Variants in TYR observed in about 807,000 individuals in gnomAD.
The protein encoded by TYR is LB24-AB.
TYR carries 58 observed loss-of-function variants against 51.5 expected under a neutral mutation model. That is an observed-to-expected ratio of 1.13 (90% CI 0.91 to 1.40). The LOEUF (loss-of-function observed/expected upper bound fraction) is 1.40. Ranked by LOEUF, TYR falls within the 40% of genes most tolerant of loss-of-function variation. The pLI, the probability that TYR is intolerant of heterozygous loss-of-function variation, is 0.00. For missense variants in TYR, 732 were observed against 647.4 expected (o/e 1.13, Z -1.42); for synonymous variants, 263 against 235.2 (o/e 1.12, Z -1.08).
At chr11:89,265,539 T>G (rs553565458) in intron 3 of TYR, among the ~76,000 whole-genome samples, 1 of 152,202 alleles carries the variant, frequency 6.6e-6, no homozygotes, top group East Asian at 1.9e-4. Flanking sequence ...TAATAGAAAT[T>G]TCAAAATGTT....
intron 3 of TYR, among the ~76,000 whole-genome samples, chr11:89,240,760 G>A (rs897180722): frequency 4.6e-5 from 7 of 152,136 alleles, no homozygotes; most frequent in African/African-American, 1.7e-4. Context: ...TAATACATTA[G>A]TACAGTTGCA....
intron 1 of TYR, among the ~76,000 whole-genome samples, chr11:89,190,293 T>G (rs527609479): frequency 6.6e-6 from 1 of 152,234 alleles, no homozygotes; most frequent in East Asian, 1.9e-4. Context: ...TAGCTCCATG[T>G]GTACTATTGC....
At chr11:89,204,003 G>T (rs1943635826) in intron 2 of TYR, among the ~76,000 whole-genome samples, 1 of 152,182 alleles carries the variant, frequency 6.6e-6, no homozygotes, top group African/African-American at 2.4e-5. Flanking sequence ...TGTAAGAGAA[G>T]GCTCAGTTTG....
chr11:89,256,983 A>G (rs1944400109), intron 3 of TYR, among the ~76,000 whole-genome samples: 1 of 151,922 alleles, frequency 6.6e-6, no homozygotes, highest in South Asian at 2.1e-4. Flanking sequence ...GGCCTAAAGC[A>G]TGTTGAAACT....
At chr11:89,264,995 C>A (rs1944509630) in intron 3 of TYR, among the ~76,000 whole-genome samples, 1 of 152,004 alleles carries the variant, frequency 6.6e-6, no homozygotes, top group South Asian at 2.1e-4. Context: ...TTCTTTTAAG[C>A]TTTATTGACA....
At chr11:89,203,153 A>G (rs919434737) in intron 2 of TYR, among the ~76,000 whole-genome samples, 1 of 152,218 alleles carries the variant, frequency 6.6e-6, no homozygotes, top group Non-Finnish European at 1.5e-5. Flanking sequence ...TACATTTTCA[A>G]ATAAATCACT....
chr11:89,178,303 T>C lies in TYR; in HGVS notation c.350T>C (p.Leu117Pro). 2 of 1,614,170 alleles carry C rather than the reference T, an allele frequency of 1.2e-6. No individual in the cohort carries two copies. The highest frequency in any genetic ancestry group is 8.5e-7 in the Non-Finnish European group (1 of 1,180,030). Residue 117 changes from leucine (L) to proline (P), a missense_variant, in exon 1 of 5, where the codon CTC becomes CCC. Physicochemically the swap from Leu to Pro is moderately conservative, Grantham distance 98 (BLOSUM62 -3). Coordinates refer to ENST00000263321, the MANE Select transcript of TYR (RefSeq NM_000372.5). ...FWGPNCTERR[L>P]LVRRNIFDLS... ...GGACCAAACTGCACAGAGAGACGACTCTTGGTGAGAAGAAACATCTTCGAT... is the reference window on the plus strand; with the variant it reads ...GGACCAAACTGCACAGAGAGACGACCCTTGGTGAGAAGAAACATCTTCGAT...
At chr11:89,244,028 T>G (rs1944234654) in intron 3 of TYR, among the ~76,000 whole-genome samples, 1 of 152,120 alleles carries the variant, frequency 6.6e-6, no homozygotes, top group African/African-American at 2.4e-5. Flanking sequence ...TGCATAAATT[T>G]TATTTCCTTT....
chr11:89,190,762 T>C (rs1459519153), intron 1 of TYR, among the ~76,000 whole-genome samples: 1 of 152,148 alleles, frequency 6.6e-6, no homozygotes, highest in East Asian at 1.9e-4. Flanking sequence ...GGTCCATTTA[T>C]GGTAAGTGTC....
intron 3 of TYR, among the ~76,000 whole-genome samples, chr11:89,256,162 A>C (rs189264959): frequency 1.7e-4 from 26 of 151,954 alleles, no homozygotes; most frequent in Admixed American, 1.3e-3. Context: ...GAAGAATATA[A>C]TTTTAAACTT....
chr11:89,250,208 T>C (rs1217632207), intron 3 of TYR, among the ~76,000 whole-genome samples: 1 of 152,056 alleles, frequency 6.6e-6, no homozygotes, highest in Non-Finnish European at 1.5e-5. Context: ...AACTATAGTG[T>C]CATGAGTTTC....
At chr11:89,228,833 G>T (rs1944007524) in intron 3 of TYR, among the ~76,000 whole-genome samples, 1 of 152,074 alleles carries the variant, frequency 6.6e-6, no homozygotes, top group Admixed American at 6.6e-5. Flanking sequence ...TAGCAGAAAA[G>T]AAAGTATTCA....
intron 2 of TYR, among the ~76,000 whole-genome samples, chr11:89,209,480 T>C (rs1241901877): frequency 6.6e-6 from 1 of 152,222 alleles, no homozygotes; most frequent in Non-Finnish European, 1.5e-5. Context: ...TGGAGCCCAC[T>C]GCAGCTCAGC....
rs1334753943 is a variant in TYR, at chr11:89,191,366, A to G, written c.984A>G (p.Glu328=). The G allele has an allele frequency of 6.2e-7, 1 of 1,613,696 alleles. No individual in the cohort carries two copies. The highest frequency in any genetic ancestry group is 2.2e-5 in the East Asian group (1 of 44,864). Reference sequence around the variant, plus strand: ...TTTGCCTGAGTTTGACCCAATATGAATCTGGTTCCATGGATAAAGCTGCCA... The same window carrying G: ...TTTGCCTGAGTTTGACCCAATATGAGTCTGGTTCCATGGATAAAGCTGCCA... ...VEFCLSLTQY[E]SGSMDKAANF... is the part of the protein sequence containing the mutation. The change falls in exon 2 of 5, where the codon GAA becomes GAG. Residue 328 remains glutamate (E), a synonymous_variant. Transcript: ENST00000263321.
intron 3 of TYR, among the ~76,000 whole-genome samples, chr11:89,256,477 G>A (rs909309989): frequency 1.3e-5 from 2 of 151,728 alleles, no homozygotes; most frequent in Non-Finnish European, 2.9e-5. Context: ...ATGTGTGTGT[G>A]TGTGTGTGTA....
chr11:89,200,439 T>C (rs1191439087), intron 2 of TYR: 1 of 152,168 alleles, frequency 6.6e-6, no homozygotes, highest in African/African-American at 2.4e-5. Flanking sequence ...TGCTTTGTAA[T>C]CTTCTACACT....
At chr11:89,178,978 T>C (rs1462927509) in intron 1 of TYR, among the ~76,000 whole-genome samples, 1 of 152,232 alleles carries the variant, frequency 6.6e-6, no homozygotes, top group African/African-American at 2.4e-5. Context: ...TTTAATGACT[T>C]CTACTAGGTT....
At chr11:89,255,000 A>T (rs1443147786) in intron 3 of TYR, among the ~76,000 whole-genome samples, 2 of 151,644 alleles carry the variant, frequency 1.3e-5, no homozygotes, top group Non-Finnish European at 3.0e-5. Context: ...AGAGGTTTTG[A>T]TAGGTCGTGT....
At chr11:89,223,351 T>C (rs1943937363) in intron 2 of TYR, among the ~76,000 whole-genome samples, 2 of 152,200 alleles carry the variant, frequency 1.3e-5, no homozygotes. Flanking sequence ...CAGAGTCAAA[T>C]CTCAGCCAGA....
Sources: gnomAD v4.1 joint callset for allele counts (sites outside exome capture counted in the v4.1 genomes callset) on GRCh38, gnomAD v4.1.1 for gene constraint, MANE v1.5 for transcripts, NCBI Gene and HGNC (gene_info 2026-07-23, HGNC 2026-07-21) for gene names.